The following LAMA4 variants were observed in gnomAD, a reference collection of about 807,000 sequenced individuals.
LAMA4 encodes laminin subunit alpha-4.
A neutral mutation model predicts 207.1 loss-of-function variants in LAMA4; 127 were observed. That is an observed-to-expected ratio of 0.61 (90% CI 0.53 to 0.71). The LOEUF (loss-of-function observed/expected upper bound fraction) is 0.71, where lower values mean the gene tolerates loss of function less well. Ranked by LOEUF, LAMA4 falls within the 30% of genes least tolerant of loss-of-function variation. The pLI is 0.00. For missense variants in LAMA4, 2,093 were observed against 2,246.5 expected, an observed-to-expected ratio of 0.93 and a Z score of 1.38; for synonymous variants, 761 against 816.0, an observed-to-expected ratio of 0.93 and a Z score of 1.15.
At chr6:112,248,885 A>G (rs1267239617) in intron 2 of LAMA4, among the ~76,000 whole-genome samples, 1 of 152,232 alleles carries the variant, frequency 6.6e-6, no homozygotes, top group Non-Finnish European at 1.5e-5. Context: ...TGGTTAAGGT[A>G]ATTACCACTC....
chr6:112,203,644 G>A (rs1783887695), intron 4 of LAMA4, among the ~76,000 whole-genome samples: 1 of 151,446 alleles, frequency 6.6e-6, no homozygotes, highest in South Asian at 2.1e-4. Context: ...CTCCTTTTTT[G>A]CAGCCAGTTT....
rs1782877744 is a variant in LAMA4 at position 112,189,274 on chromosome 6, G to A, written c.719-69C>T. ...GCTTAAAATATGGCAATATTTTCCT[G>A]GTTTCTAGAAACACTAGCTATCAGT... On this transcript the variant is annotated intron_variant, in intron 6 of 38. Coordinates refer to ENST00000230538, the MANE Select transcript of LAMA4 (RefSeq NM_001105206.3). 15 of 1,095,444 alleles carry A rather than the reference G, an allele frequency of 1.4e-5. No individual in the cohort carries two copies. In the South Asian group the frequency reaches 1.7e-4, roughly 12 times the overall value. The allele number at this position is 1,095,444 out of a possible 1,614,324, so 67.9% of individuals were successfully genotyped here.
chr6:112,129,193 T>C, intron 30 of LAMA4, 118 bp from the exon 31 acceptor site: 1 of 810,864 alleles, frequency 1.2e-6, no homozygotes, highest in Non-Finnish European at 2.0e-6. Flanking sequence ...TGTGCATGTG[T>C]GTGTGTGTGT....
intron 2 of LAMA4, among the ~76,000 whole-genome samples, chr6:112,245,272 C>T (rs1030548086): frequency 6.6e-5 from 10 of 152,146 alleles, no homozygotes; most frequent in Non-Finnish European, 1.0e-4. Context: ...TTTCAGAACC[C>T]GAATTTGTGC....
At chr6:112,239,511 G>A (rs1202942827) in intron 2 of LAMA4, among the ~76,000 whole-genome samples, 1 of 152,118 alleles carries the variant, frequency 6.6e-6, no homozygotes, top group Non-Finnish European at 1.5e-5. Context: ...CACATTAAAA[G>A]TTGGGGTAAC....
chr6:112,161,744 A>G (rs1467801778), intron 13 of LAMA4, among the ~76,000 whole-genome samples: 3 of 152,176 alleles, frequency 2.0e-5, no homozygotes, highest in African/African-American at 7.2e-5. Flanking sequence ...TAAGGGGTTC[A>G]TTTGGATGTC....
chr6:112,132,744 A>G lies in LAMA4; in HGVS notation c.3834+9T>C, dbSNP rs782617437. 1.2e-6 allele frequency: 2 copies of G among 1,612,180 alleles called. No individual in the cohort carries two copies. Among genetic ancestry groups the G allele is most frequent in the Non-Finnish European group, 1.7e-6 (2 of 1,178,788 alleles). On this transcript the variant is annotated intron_variant, in intron 28 of 38. Coordinates refer to ENST00000230538, the MANE Select transcript of LAMA4 (RefSeq NM_001105206.3). ...AAAGAAGTTTCCTCAGAGAAAAACA[A>G]ACACTTACCCCTGAAGCATAATAGA...
intron 2 of LAMA4, among the ~76,000 whole-genome samples, chr6:112,217,093 C>T (rs537293528): frequency 5.9e-5 from 9 of 152,246 alleles, no homozygotes; most frequent in Middle Eastern, 3.4e-3. Context: ...CAGAATGCTG[C>T]GAGGAACACA....
intron 2 of LAMA4, among the ~76,000 whole-genome samples, chr6:112,228,531 G>A (rs1427574071): frequency 2.0e-5 from 3 of 152,194 alleles, no homozygotes; most frequent in Admixed American, 6.5e-5. Flanking sequence ...TTACCGAATT[G>A]TGGGCAGGTT....
At chr6:112,135,778 G>C (rs1363903423) in intron 25 of LAMA4, 1 of 212,500 alleles carries the variant, frequency 4.7e-6, no homozygotes, top group African/African-American at 2.3e-5. Flanking sequence ...GCAAAAAAAG[G>C]CTGTGTATCT....
intron 2 of LAMA4, among the ~76,000 whole-genome samples, chr6:112,217,476 C>T (rs1784695383): frequency 6.6e-6 from 1 of 152,100 alleles, no homozygotes; most frequent in African/African-American, 2.4e-5. Context: ...CCCCCATTGA[C>T]CCATTGTAGT....
intron 4 of LAMA4, 23 bp downstream of exon 4, chr6:112,206,998 G>C: frequency 6.2e-7 from 1 of 1,613,362 alleles, no homozygotes. Context: ...CATTAGAAGA[G>C]ACCATCCTCC....
chr6:112,159,441 T>C (rs1780923796), intron 13 of LAMA4: 2 of 157,942 alleles, frequency 1.3e-5, no homozygotes, highest in Non-Finnish European at 2.8e-5. Flanking sequence ...TAACACAGGC[T>C]CTCTTGGTTT....
intron 17 of LAMA4, among the ~76,000 whole-genome samples, chr6:112,148,811 A>G (rs541316764): frequency 6.6e-6 from 1 of 152,120 alleles, no homozygotes; most frequent in African/African-American, 2.4e-5. Context: ...AATTTACAAC[A>G]AAAAATTTTG....
intron 4 of LAMA4, among the ~76,000 whole-genome samples, chr6:112,204,551 T>C (rs1280700490): frequency 2.0e-5 from 3 of 151,684 alleles, no homozygotes; most frequent in African/African-American, 7.3e-5. Context: ...AACATGTTTA[T>C]GAGAGAATGA....
At chr6:112,173,897 T>C (rs1052790481) in intron 11 of LAMA4, among the ~76,000 whole-genome samples, 1 of 152,148 alleles carries the variant, frequency 6.6e-6, no homozygotes, top group Non-Finnish European at 1.5e-5. Context: ...ATAAAATATA[T>C]AGAAATTAAA....
intron 9 of LAMA4, among the ~76,000 whole-genome samples, chr6:112,181,214 C>T (rs1554345223): frequency 6.6e-6 from 1 of 152,226 alleles, no homozygotes; most frequent in Non-Finnish European, 1.5e-5. Context: ...CTTCTCTAGA[C>T]CACTGTGGCG....
At chr6:112,253,764 C>T (rs1211017082) in intron 2 of LAMA4, 192 bp downstream of exon 2, 1 of 1,613,898 alleles carries the variant, frequency 6.2e-7, no homozygotes, top group East Asian at 2.2e-5. Context: ...CCTCAACTTT[C>T]AACTCTCAAC....
intron 2 of LAMA4, among the ~76,000 whole-genome samples, chr6:112,246,113 C>T (rs1554188602): frequency 6.6e-6 from 1 of 152,086 alleles, no homozygotes; most frequent in Non-Finnish European, 1.5e-5. Flanking sequence ...CTTTAGTAAA[C>T]CATTTCCCAG....
Sources: allele counts gnomAD v4.1 joint callset (sites outside exome capture counted in the v4.1 genomes callset), GRCh38; gene constraint gnomAD v4.1.1; transcripts MANE v1.5; gene names NCBI Gene and HGNC (gene_info 2026-07-23, HGNC 2026-07-21).